Variants in XK observed in about 807,000 individuals in gnomAD.
XK encodes the protein endoplasmic reticulum membrane adapter protein XK.
XK carries 2 observed loss-of-function variants against 14.0 expected under a neutral mutation model. That is an observed-to-expected ratio of 0.14 (90% CI 0.06 to 0.45). XK has a LOEUF of 0.45. XK is among the 20% of genes least tolerant of loss of function. XK has a pLI of 0.98. For missense variants in XK, 235 were observed against 341.5 expected (o/e 0.69, Z 2.46); for synonymous variants, 149 against 147.5 (o/e 1.01, Z -0.08).
chrX:37,724,869 T>A (rs1927947019), intron 2 of XK, among the ~76,000 whole-genome samples: 1 of 110,698 alleles, frequency 9.0e-6, no homozygotes, highest in Non-Finnish European at 1.9e-5. Context: ...TTGCCAAAGA[T>A]GGACAAGATG....
chrX:37,693,881 G>C (rs1556442016), intron 1 of XK, among the ~76,000 whole-genome samples: 1 of 112,163 alleles, frequency 8.9e-6, no homozygotes, highest in African/African-American at 3.2e-5. Context: ...GACAAAGTGG[G>C]TATTATATCT....
intron 2 of XK, among the ~76,000 whole-genome samples, chrX:37,698,543 CAAAA>C (rs35497516): frequency 7.4e-5 from 2 of 26,990 alleles, no homozygotes; most frequent in African/African-American, 1.2e-4. Flanking sequence ...GACCTTGCCT[CAAAA>C]AAAAAAAAAA....
intron 2 of XK, among the ~76,000 whole-genome samples, chrX:37,718,904 C>T (rs1789885172): frequency 9.0e-6 from 1 of 111,063 alleles, no homozygotes; most frequent in Admixed American, 9.5e-5. Flanking sequence ...CAGGTATTTT[C>T]GCTCATTACA....
At chrX:37,702,585 A>T (rs1927436959) in intron 2 of XK, among the ~76,000 whole-genome samples, 1 of 111,806 alleles carries the variant, frequency 8.9e-6, no homozygotes, top group African/African-American at 3.3e-5. Context: ...AGTAAAAAGG[A>T]GGGTACACAT....
At chrX:37,697,452 T>C (rs1313185376) in intron 2 of XK, among the ~76,000 whole-genome samples, 1 of 111,855 alleles carries the variant, frequency 8.9e-6, no homozygotes, top group East Asian at 2.8e-4. Context: ...GCAGTCCAGA[T>C]GAATAGAAAT....
chrX:37,705,347 G>A (rs1049693216), intron 2 of XK, among the ~76,000 whole-genome samples: 7 of 110,113 alleles, frequency 6.4e-5, no homozygotes, highest in African/African-American at 2.3e-4. Context: ...AGCTACTTGG[G>A]AGGCTGAGGC....
chrX:37,702,732 A>G (rs1329270725), intron 2 of XK, among the ~76,000 whole-genome samples: 1 of 112,434 alleles, frequency 8.9e-6, no homozygotes, highest in African/African-American at 3.2e-5. Context: ...TGTCTGATTA[A>G]TAGAGATACT....
At position 37,721,133 on chromosome X, in the gene XK, T is replaced by A. The variant is rs138085038; in HGVS notation, c.509-6503T>A. Among the ~76,000 whole-genome samples the A allele has an allele frequency of 3.2e-3, 351 of 111,259 alleles. 1 individual carries two copies. The highest frequency in any genetic ancestry group is 0.011 in the African/African-American group (339 of 30,747). The stretch of plus-strand genomic sequence containing the variant: ...ATTCATTTTACACTCCCACCAACAG[T>A]GTATAAGTGTTCCCTTTTCTCCCAT... On this transcript the variant is annotated intron_variant, in intron 2 of 2. Transcript: ENST00000378616.
rs1326175352 is a variant in XK at position 37,728,402 on chromosome X, C to T, written c.1275C>T (p.Ser425=). 6.6e-6 allele frequency: 8 copies of T among 1,208,526 alleles called. No homozygotes were observed. Among genetic ancestry groups the T allele is most frequent in the Middle Eastern group, 2.3e-4 (1 of 4,372 alleles). ...GAGATAGAGATGAGACACCTTCTAG[C>T]AGTAAAACAAGTCCTGAGCCTGGTC... ...SSRDRDETPS[S]SKTSPEPGQF... Residue 425 remains serine (S), a synonymous_variant, in exon 3 of 3, where the codon AGC becomes AGT. Transcript: ENST00000378616.
At chrX:37,704,619 T>C (rs1927475696) in intron 2 of XK, among the ~76,000 whole-genome samples, 1 of 111,441 alleles carries the variant, frequency 9.0e-6, no homozygotes, top group African/African-American at 3.3e-5. Context: ...GTGGATAGCC[T>C]GAGGTCAGGA....
intron 2 of XK, among the ~76,000 whole-genome samples, chrX:37,698,350 C>T (rs1927342113): frequency 9.1e-6 from 1 of 109,320 alleles, no homozygotes; most frequent in Non-Finnish European, 1.9e-5. Flanking sequence ...CACCTGTGAT[C>T]CTAGCACTTT....
At chrX:37,704,783 C>T (rs28998773) in intron 2 of XK, among the ~76,000 whole-genome samples, 1,286 of 110,161 alleles carry the variant, frequency 0.012, 22 homozygotes, top group African/African-American at 0.041. Flanking sequence ...GGCAGTGGGC[C>T]GAGGTCACGC....
intron 2 of XK, among the ~76,000 whole-genome samples, chrX:37,707,988 G>A (rs1429950811): frequency 1.8e-5 from 2 of 112,751 alleles, no homozygotes; most frequent in African/African-American, 3.2e-5. Flanking sequence ...CGGATCACTC[G>A]CAGTTAGGAG....
chrX:37,730,670 A>G lies in XK; in HGVS notation c.*2208A>G, dbSNP rs1928069074. 8.9e-6 allele frequency: 1 copy of G among 112,654 alleles called. No homozygotes were observed. The highest frequency in any genetic ancestry group is 1.9e-5 in the Non-Finnish European group (1 of 53,296). 9.3% of individuals were successfully genotyped at this position (112,654 alleles called of 1,213,427 possible). Reference sequence around the variant, plus strand: ...GGCCTTGGGAGTGAGGTGTGGGAGTAGCCACCAGCCTCCCACTGACTAGGC... The same window carrying G: ...GGCCTTGGGAGTGAGGTGTGGGAGTGGCCACCAGCCTCCCACTGACTAGGC... On this transcript the variant is annotated 3_prime_UTR_variant, in exon 3 of 3. Coordinates refer to ENST00000378616, the MANE Select transcript of XK (RefSeq NM_021083.4).
Position 37,694,424 on chromosome X carries a change from A to G in XK, c.384A>G (p.Lys128=), listed in dbSNP as rs1342973482. The stretch of plus-strand genomic sequence containing the variant: ...AGGAGGTGGGCCAGGCAGAAGGCAA[A>G]CTAATCACCCACCGATCAGCGTTCA... ...IEKEVGQAEG[K]LITHRSAFSR... The change falls in exon 2 of 3, where the codon AAA becomes AAG. Residue 128 remains lysine, a synonymous_variant. Coordinates refer to ENST00000378616, the MANE Select transcript of XK (RefSeq NM_021083.4). The G allele has an allele frequency of 2.5e-6, 3 of 1,200,591 alleles. No homozygotes were observed. Among genetic ancestry groups the G allele is most frequent in the African/African-American group, 3.5e-5 (2 of 56,979 alleles).
chrX:37,698,194 G>A (rs1184258837), intron 2 of XK, among the ~76,000 whole-genome samples: 2 of 112,017 alleles, frequency 1.8e-5, no homozygotes, highest in African/African-American at 3.3e-5. Flanking sequence ...GGTAATGTTG[G>A]TAGTAAAAAT....
At chrX:37,708,253 A>T (rs781877968) in intron 2 of XK, among the ~76,000 whole-genome samples, 45 of 111,536 alleles carry the variant, frequency 4.0e-4, no homozygotes, top group African/African-American at 1.5e-3. Flanking sequence ...AAATGTTCTT[A>T]TAAGGGAGAG....
chrX:37,688,058 TC>T lies in XK; in HGVS notation c.245+1853del, dbSNP rs1248909269. On this transcript the variant is annotated intron_variant, in intron 1 of 2. Transcript: ENST00000378616. ...TTCTTTCTTTCTTTCTTTCTTTCTT[TC>T]TTTTTTTTTTTTTTTTTTTGAGACG... 7.4e-3 allele frequency among the ~76,000 whole-genome samples: 445 copies of T among 60,532 alleles called. 12 individuals are homozygous for T. Among genetic ancestry groups the T allele is most frequent in the African/African-American group, 0.045 (414 of 9,113 alleles). 52.6% of individuals were successfully genotyped at this position (60,532 alleles called of 115,157 possible).
intron 2 of XK, among the ~76,000 whole-genome samples, chrX:37,720,478 T>C (rs1927848241): frequency 9.0e-6 from 1 of 111,282 alleles, no homozygotes; most frequent in Non-Finnish European, 1.9e-5. Context: ...AAATGTTTGT[T>C]GATGGCCACA....
Sources: gnomAD v4.1 joint callset for allele counts (sites outside exome capture counted in the v4.1 genomes callset) on GRCh38, gnomAD v4.1.1 for gene constraint, MANE v1.5 for transcripts, NCBI Gene and HGNC (gene_info 2026-07-23, HGNC 2026-07-21) for gene names.